Variants in SLC32A1 observed in about 807,000 individuals in gnomAD.
SLC32A1 encodes the protein vesicular inhibitory amino acid transporter.
SLC32A1 carries 8 observed loss-of-function variants against 35.5 expected under a neutral mutation model. The observed-to-expected ratio is 0.23, with a 90% confidence interval of 0.13 to 0.41. The LOEUF is 0.41. Among genes scored for constraint, SLC32A1 ranks in the 10% least tolerant of loss-of-function variants. The pLI, the probability that SLC32A1 is intolerant of heterozygous loss-of-function variation, is 1.00. For synonymous variants in SLC32A1, 317 were observed against 326.3 expected (o/e 0.97, Z 0.31); for missense variants, 493 against 722.3 (o/e 0.68, Z 3.64).
In SLC32A1 at chr20:38,727,565, G is replaced by A; in HGVS notation, c.504G>A (p.Ala168=). The A allele has an allele frequency of 1.2e-6, 2 of 1,610,516 alleles. No homozygotes were observed. Among genetic ancestry groups the A allele is most frequent in the Non-Finnish European group, 1.7e-6 (2 of 1,180,018 alleles). ...GCTACACCGGCAAGATCCTCATCGC[G>A]TGCCTGTACGAGGAGAATGAAGACG... ...VCCYTGKILI[A]CLYEENEDGE... is the part of the protein sequence containing the mutation. Residue 168 remains alanine (A), a synonymous_variant, in exon 2 of 2, where the codon GCG becomes GCA. Coordinates refer to ENST00000217420, the MANE Select transcript of SLC32A1 (RefSeq NM_080552.3).
Position 38,727,527 on chromosome 20 carries a change from G to T in SLC32A1, c.466G>T (p.Ala156Ser). Reference protein sequence around the residue: ...YLGLFLIIFAAVVCCYTGKIL... With the variant: ...YLGLFLIIFASVVCCYTGKIL... ...GGGGTTGTTTCTCATCATCTTCGCC[G>T]CCGTTGTGTGCTGCTACACCGGCAA... The change falls in exon 2 of 2, where the codon GCC becomes TCC. Residue 156 changes from alanine to serine, a missense_variant. By Grantham distance (99) the Ala-to-Ser change is moderately conservative. This residue lies in a region of SLC32A1 where 45 missense variants were observed against 91.1 expected (regional missense o/e 0.49). Coordinates refer to ENST00000217420, the MANE Select transcript of SLC32A1 (RefSeq NM_080552.3). 1 of 1,609,098 alleles carries T rather than the reference G, an allele frequency of 6.2e-7. No homozygotes were observed. Among genetic ancestry groups the T allele is most frequent in the Non-Finnish European group, 8.5e-7 (1 of 1,180,004 alleles).
rs1310121186 is a variant in SLC32A1 at position 38,728,360 on chromosome 20, G to C, written c.1299G>C (p.Leu433=). The C allele has an allele frequency of 1.2e-6, 2 of 1,611,984 alleles. No homozygotes were observed. Among genetic ancestry groups the C allele is most frequent in the East Asian group, 4.5e-5 (2 of 44,858 alleles). The change falls in exon 2 of 2, where the codon CTG becomes CTC. Residue 433 remains leucine (L), a synonymous_variant. Transcript: ENST00000217420. ...SGDGRLKSWG[L]TLRCALVVFT... ...ACGGGCGCCTGAAGTCCTGGGGGCT[G>C]ACGCTGCGCTGCGCGCTCGTCGTCT...
At position 38,728,661 on chromosome 20, in the gene SLC32A1, C is replaced by A. The variant is rs753575760; in HGVS notation, c.*22C>A. The A allele has an allele frequency of 1.3e-6, 2 of 1,557,818 alleles. No individual in the cohort carries two copies. Among genetic ancestry groups the A allele is most frequent in the Non-Finnish European group, 8.7e-7 (1 of 1,150,494 alleles). On this transcript the variant is annotated 3_prime_UTR_variant, in exon 2 of 2. Transcript: ENST00000217420. ...CTAGGGCGCAAGGGCGAGCCCCCGCCGCGCTTCTGCGCTCTCTCCCTTCTC... is the reference window on the plus strand; with the variant it reads ...CTAGGGCGCAAGGGCGAGCCCCCGCAGCGCTTCTGCGCTCTCTCCCTTCTC...
rs1324797313 is a variant in SLC32A1 at position 38,724,876 on chromosome 20, A to G, written c.152A>G (p.Asp51Gly). ...AVGFAHCDDLDFEHRQGLQMD... is the reference protein window; with the variant it reads ...AVGFAHCDDLGFEHRQGLQMD... Reference sequence around the variant, plus strand: ...GGCTTCGCGCATTGCGACGACCTCGACTTTGAGCACCGCCAGGGCCTGCAG... The same window carrying G: ...GGCTTCGCGCATTGCGACGACCTCGGCTTTGAGCACCGCCAGGGCCTGCAG... Residue 51 changes from aspartate (D) to glycine (G), a missense_variant, in exon 1 of 2, where the codon GAC becomes GGC. Transcript: ENST00000217420. 3 of 1,613,818 alleles carry G rather than the reference A, an allele frequency of 1.9e-6. No homozygotes were observed. The highest frequency in any genetic ancestry group is 2.5e-6 in the Non-Finnish European group (3 of 1,179,998).
chr20:38,728,181 C>G lies in SLC32A1; in HGVS notation c.1120C>G (p.Leu374Val). The G allele has an allele frequency of 6.2e-7, 1 of 1,614,204 alleles. No individual in the cohort carries two copies. The highest frequency in any genetic ancestry group is 8.5e-7 in the Non-Finnish European group (1 of 1,180,040). ...DETKEVITDN[L>V]PGSIRAVVNI... Reference sequence around the variant, plus strand: ...GACCAAGGAGGTCATCACGGATAACCTGCCCGGCTCCATCCGCGCCGTGGT... The same window carrying G: ...GACCAAGGAGGTCATCACGGATAACGTGCCCGGCTCCATCCGCGCCGTGGT... The change falls in exon 2 of 2, where the codon CTG (leucine) becomes GTG (valine). Residue 374 changes from leucine to valine, a missense_variant. Around this residue, in one of 4 missense-constraint regions of SLC32A1, gnomAD observed 269 missense variants for 445.6 expected, o/e 0.60. Coordinates refer to ENST00000217420, the MANE Select transcript of SLC32A1 (RefSeq NM_080552.3).
intron 1 of SLC32A1, 90 bp from the exon 2 acceptor site, chr20:38,727,362 G>A: frequency 7.9e-7 from 1 of 1,262,350 alleles, no homozygotes. Flanking sequence ...CGCCCCCTTC[G>A]GGCCACAGCG....
chr20:38,725,157 A>T, intron 1 of SLC32A1, 43 bp downstream of exon 1: 1 of 1,500,486 alleles, frequency 6.7e-7, no homozygotes, highest in Non-Finnish European at 8.9e-7. Flanking sequence ...CCCCCCTCCC[A>T]GCTCAGCGTG....
chr20:38,727,376 AG>A, intron 1 of SLC32A1, 75 bp from the exon 2 acceptor site: 1 of 1,414,100 alleles, frequency 7.1e-7, no homozygotes, highest in Non-Finnish European at 9.8e-7. Flanking sequence ...CACAGCGTTA[AG>A]CCACGCCCCC....
chr20:38,727,636 C>A lies in SLC32A1; in HGVS notation c.575C>A (p.Ala192Asp), dbSNP rs749366553. The A allele has an allele frequency of 1.2e-6, 2 of 1,613,978 alleles. No homozygotes were observed. Among genetic ancestry groups the A allele is most frequent in the South Asian group, 1.1e-5 (1 of 91,080 alleles). The change falls in exon 2 of 2, where the codon GCC (alanine) becomes GAC (aspartate). Residue 192 changes from alanine to aspartate, a missense_variant. By Grantham distance (126) the Ala-to-Asp change is moderately radical (BLOSUM62 -2). Around this residue, in one of 4 missense-constraint regions of SLC32A1, gnomAD observed 46 missense variants for 39.7 expected, o/e 1.16. Coordinates refer to ENST00000217420, the MANE Select transcript of SLC32A1 (RefSeq NM_080552.3). ...VRDSYVAIAN[A>D]CCAPRFPTLG... ...GACTCGTACGTGGCCATAGCCAACG[C>A]CTGCTGCGCCCCGCGCTTCCCAACG...
Position 38,728,123 on chromosome 20 carries a change from C to T in SLC32A1, c.1062C>T (p.Phe354=), listed in dbSNP as rs148564737. Residue 354 remains phenylalanine (F), a synonymous_variant, in exon 2 of 2, where the codon TTC becomes TTT. Transcript: ENST00000217420. ...HIAACVLKGL[F]ALVAYLTWAD... ...CAGCCTGCGTGCTCAAGGGCCTCTT[C>T]GCGCTCGTCGCCTACCTCACCTGGG... The T allele has an allele frequency of 6.3e-5, 101 of 1,614,152 alleles. No homozygotes were observed. The African/African-American group carries it at 1.3e-3, about 20-fold the overall frequency.
In SLC32A1 at chr20:38,727,929, C is replaced by T. The variant is rs2084283728; in HGVS notation, c.868C>T (p.Arg290Cys). ...CATAGCCTACTGTCTATCGCGGGCGCGCGACTGGGCCTGGGAGAAGGTCAA... is the reference window on the plus strand; with the variant it reads ...CATAGCCTACTGTCTATCGCGGGCGTGCGACTGGGCCTGGGAGAAGGTCAA... ...LVIAYCLSRA[R>C]DWAWEKVKFY... The change falls in exon 2 of 2, where the codon CGC (arginine) becomes TGC (cysteine). Residue 290 changes from arginine (R) to cysteine (C), a missense_variant. Around this residue, in one of 4 missense-constraint regions of SLC32A1, gnomAD observed 269 missense variants for 445.6 expected, o/e 0.60. Coordinates refer to ENST00000217420, the MANE Select transcript of SLC32A1 (RefSeq NM_080552.3). 2 of 1,614,208 alleles carry T rather than the reference C, an allele frequency of 1.2e-6. No homozygotes were observed. Among genetic ancestry groups the T allele is most frequent in the Non-Finnish European group, 1.7e-6 (2 of 1,180,046 alleles).
chr20:38,728,154 G>A lies in SLC32A1; in HGVS notation c.1093G>A (p.Glu365Lys), dbSNP rs1601182777. 3 of 1,613,906 alleles carry A rather than the reference G, an allele frequency of 1.9e-6. No individual in the cohort carries two copies. The highest frequency in any genetic ancestry group is 2.5e-6 in the Non-Finnish European group (3 of 1,180,034). The change falls in exon 2 of 2, where the codon GAG (glutamate) becomes AAG (lysine). Residue 365 changes from glutamate to lysine, a missense_variant. Glu to Lys is a moderately conservative substitution (Grantham distance 56, BLOSUM62 1). This residue lies in a region of SLC32A1 where 269 missense variants were observed against 445.6 expected (regional missense o/e 0.60). Transcript: ENST00000217420. ...CGTCGCCTACCTCACCTGGGCCGAC[G>A]AGACCAAGGAGGTCATCACGGATAA... Reference protein sequence around the residue: ...ALVAYLTWADETKEVITDNLP... With the variant: ...ALVAYLTWADKTKEVITDNLP...
rs373705070 is a variant in SLC32A1, at chr20:38,728,063, C to T, written c.1002C>T (p.Ser334=). ...PSLEGNMQQP[S]EFHCMMNWTH... is the part of the protein sequence containing the mutation. ...TGGAGGGCAATATGCAGCAGCCCAGCGAGTTCCACTGCATGATGAACTGGA... is the reference window on the plus strand; with the variant it reads ...TGGAGGGCAATATGCAGCAGCCCAGTGAGTTCCACTGCATGATGAACTGGA... Residue 334 remains serine, a synonymous_variant, in exon 2 of 2, where the codon AGC becomes AGT. Transcript: ENST00000217420. The T allele has an allele frequency of 3.0e-5, 48 of 1,613,868 alleles. No homozygotes were observed. Among genetic ancestry groups the T allele is most frequent in the Middle Eastern group, 1.6e-4 (1 of 6,084 alleles).
intron 1 of SLC32A1, 48 bp from the exon 2 acceptor site, chr20:38,727,404 T>G: frequency 5.7e-6 from 9 of 1,567,776 alleles, no homozygotes; most frequent in African/African-American, 1.3e-5. Flanking sequence ...CCTCATCCGT[T>G]GCCAAGTTCG....
intron 1 of SLC32A1, among the ~76,000 whole-genome samples, chr20:38,725,655 A>G (rs924668491): frequency 2.6e-5 from 4 of 152,144 alleles, no homozygotes; most frequent in Admixed American, 1.3e-4. Context: ...GTATCTATAT[A>G]TAGACCACAG....
rs1479334389 is a variant in SLC32A1 at position 38,729,312 on chromosome 20, C to G, written c.*673C>G. The G allele has an allele frequency of 6.6e-6, 1 of 152,656 alleles. No homozygotes were observed. Among genetic ancestry groups the G allele is most frequent in the Non-Finnish European group, 1.5e-5 (1 of 68,062 alleles). 9.5% of individuals were successfully genotyped at this position (152,656 alleles called of 1,614,324 possible). On this transcript the variant is annotated 3_prime_UTR_variant, in exon 2 of 2. Transcript: ENST00000217420. The stretch of plus-strand genomic sequence containing the variant: ...GATGAAATGTATATCAGAAAAAAAT[C>G]TATCTCTAATTTAGAGTGCGGTACA...
intron 1 of SLC32A1, 95 bp from the exon 2 acceptor site, chr20:38,727,357 C>A: frequency 8.3e-7 from 1 of 1,204,750 alleles, no homozygotes; most frequent in Admixed American, 2.0e-5. Flanking sequence ...CTTAGCGCCC[C>A]CTTCGGGCCA....
In SLC32A1 at chr20:38,725,928, T is replaced by C. The variant is rs115288241; in HGVS notation, c.390+814T>C. Reference sequence around the variant, plus strand: ...CATTACCTGTGCACAGACTCGCCCCTCTCGCCCGAAATCCCGGCTGCACCG... The same window carrying C: ...CATTACCTGTGCACAGACTCGCCCCCCTCGCCCGAAATCCCGGCTGCACCG... On this transcript the variant is annotated intron_variant, in intron 1 of 1. Coordinates refer to ENST00000217420, the MANE Select transcript of SLC32A1 (RefSeq NM_080552.3). Among the ~76,000 whole-genome samples the C allele has an allele frequency of 9.1e-3, 1,382 of 152,168 alleles. 21 individuals are homozygous for C. The highest frequency in any genetic ancestry group is 0.031 in the African/African-American group (1,295 of 41,496).
At chr20:38,727,320 G>C (rs2084280048) in intron 1 of SLC32A1, 132 bp from the exon 2 acceptor site, 2 of 779,810 alleles carry the variant, frequency 2.6e-6, no homozygotes, top group South Asian at 1.7e-5. Context: ...TCTCCTCCCC[G>C]GCGGCTCAGA....
Sources: gnomAD v4.1 joint callset for allele counts (sites outside exome capture counted in the v4.1 genomes callset) on GRCh38, gnomAD v4.1.1 for gene constraint, gnomAD v4.1.1 regional missense constraint, MANE v1.5 for transcripts, NCBI Gene and HGNC (gene_info 2026-07-23, HGNC 2026-07-21) for gene names.